Variants in NRG1 observed in about 807,000 individuals in gnomAD.
The protein encoded by NRG1 is pro-neuregulin-1, membrane-bound isoform.
A neutral mutation model predicts 63.8 loss-of-function variants in NRG1; 18 were observed. That is an observed-to-expected ratio of 0.28 (90% CI 0.19 to 0.42). The LOEUF is 0.42. NRG1 is among the 10% of genes least tolerant of loss of function. NRG1 has a pLI of 1.00. For missense variants in NRG1, 762 were observed against 814.7 expected (o/e 0.94, Z 0.79); for synonymous variants, 302 against 301.3 (o/e 1.00, Z -0.02).
At chr8:31,706,089 G>A (rs80143639) in intron 1 of NRG1, among the ~76,000 whole-genome samples, 4,685 of 152,088 alleles carry the variant, frequency 0.031, 255 homozygotes, top group African/African-American at 0.11. Context: ...TAATATATTC[G>A]TATGGTTCAA....
intron 1 of NRG1, among the ~76,000 whole-genome samples, chr8:32,288,742 G>C (rs1216351483): frequency 6.6e-6 from 1 of 152,168 alleles, no homozygotes; most frequent in Non-Finnish European, 1.5e-5. Context: ...CGTGAGGAAG[G>C]GGAGGGGGAG....
At chr8:32,637,903 A>G (rs1186261046) in intron 5 of NRG1, among the ~76,000 whole-genome samples, 3 of 152,156 alleles carry the variant, frequency 2.0e-5, no homozygotes, top group Non-Finnish European at 4.4e-5. Context: ...TGTGACCACA[A>G]GTGGTCGTGG....
At chr8:31,927,377 AT>A (rs916875727) in intron 1 of NRG1, among the ~76,000 whole-genome samples, 14 of 148,920 alleles carry the variant, frequency 9.4e-5, no homozygotes, top group African/African-American at 2.0e-4. Flanking sequence ...AGAAATCTGA[AT>A]TTTTTTTTCC....
intron 1 of NRG1, among the ~76,000 whole-genome samples, chr8:32,378,641 T>G (rs930298593): frequency 6.6e-6 from 1 of 152,190 alleles, no homozygotes; most frequent in African/African-American, 2.4e-5. Context: ...TTATATACTT[T>G]AAGTTTTAGG....
intron 5 of NRG1, among the ~76,000 whole-genome samples, chr8:32,629,840 G>A (rs866552313): frequency 1.3e-5 from 2 of 152,066 alleles, no homozygotes; most frequent in Non-Finnish European, 2.9e-5. Flanking sequence ...TGCTGAAGAG[G>A]CACTTGCTTG....
intron 1 of NRG1, among the ~76,000 whole-genome samples, chr8:32,512,283 C>CT (rs1829309526): frequency 6.6e-6 from 1 of 152,176 alleles, no homozygotes; most frequent in Non-Finnish European, 1.5e-5. Context: ...ATTATGCCTA[C>CT]TTTTCAAAAG....
intron 1 of NRG1, among the ~76,000 whole-genome samples, chr8:31,771,642 C>G (rs1414614507): frequency 6.6e-6 from 1 of 152,014 alleles, no homozygotes; most frequent in African/African-American, 2.4e-5. Context: ...TATAGGAAAA[C>G]AGAAAGGTAA....
rs1247476705 is a variant in NRG1 at position 31,740,964 on chromosome 8, C to G, written c.37+101533C>G. Among the ~76,000 whole-genome samples the G allele has an allele frequency of 2.6e-5, 4 of 151,984 alleles. No homozygotes were observed. The East Asian group carries it at 7.7e-4, about 29-fold the overall frequency. ...TTCACAGTAGCAAAGACATGGAAAT[C>G]AGCCTAGGGCCCACCAACAGTAGAC... On this transcript the variant is annotated intron_variant, in intron 1 of 10. Coordinates refer to the NRG1 transcript ENST00000519301.
In NRG1 at chr8:32,624,232, G is replaced by A. The variant is rs531434876; in HGVS notation, c.502+7347G>A. 2.2e-4 allele frequency among the ~76,000 whole-genome samples: 33 copies of A among 152,270 alleles called. 1 individual carries two copies. The highest frequency in any genetic ancestry group is 7.2e-4 in the African/African-American group (30 of 41,552). ...GGGAAGAATCTGATTGGCCCTGATT[G>A]CATCATGTCTGACCCTAAAATACTG... On this transcript the variant is annotated intron_variant, in intron 5 of 11. Transcript: ENST00000356819.
intron 1 of NRG1, among the ~76,000 whole-genome samples, chr8:32,489,587 A>G (rs754604155): frequency 6.6e-6 from 1 of 152,162 alleles, no homozygotes; most frequent in Non-Finnish European, 1.5e-5. Flanking sequence ...GGAGACTCCC[A>G]GCTTTCTTCC....
intron 1 of NRG1, among the ~76,000 whole-genome samples, chr8:32,051,357 G>A (rs1049672205): frequency 2.6e-5 from 4 of 152,122 alleles, no homozygotes; most frequent in Non-Finnish European, 5.9e-5. Context: ...AGATAAGGAA[G>A]CATATTTATG....
intron 5 of NRG1, chr8:32,648,231 C>G: frequency 6.2e-7 from 1 of 1,614,078 alleles, no homozygotes; most frequent in African/African-American, 1.3e-5. Context: ...ATCAGCGGCA[C>G]CGACACCGAA....
In NRG1 at chr8:32,266,158, T is replaced by C. The variant is rs530866828; in HGVS notation, c.38-329670T>C. Reference sequence around the variant, plus strand: ...CCTTTTGGGTGGAATCTGAACAATGTGTAAATGATAGTTTCCCAACAGTGT... The same window carrying C: ...CCTTTTGGGTGGAATCTGAACAATGCGTAAATGATAGTTTCCCAACAGTGT... On this transcript the variant is annotated intron_variant, in intron 1 of 10. Coordinates refer to the NRG1 transcript ENST00000519301. 3.3e-4 allele frequency among the ~76,000 whole-genome samples: 50 copies of C among 152,296 alleles called. 1 individual carries two copies. Among genetic ancestry groups the C allele is most frequent in the African/African-American group, 1.2e-3 (49 of 41,574 alleles).
chr8:32,290,149 A>G (rs1282195078), intron 1 of NRG1, among the ~76,000 whole-genome samples: 1 of 152,058 alleles, frequency 6.6e-6, no homozygotes, highest in Non-Finnish European at 1.5e-5. Flanking sequence ...GCTAAGGCAG[A>G]AGGATACCTT....
chr8:31,640,099 C>T lies in NRG1; in HGVS notation c.37+668C>T. ...GCCGCTGCTGCCACTACTGCTGCTG[C>T]TGGGGACCGCGGCCCTGGCGCCGGG... On this transcript the variant is annotated intron_variant, in intron 1 of 10. Transcript: ENST00000519301. This position sits in a 1 kb window ranked among gnomAD's most constrained non-coding sequence, Gnocchi z 6.3. The T allele has an allele frequency of 1.7e-6, 2 of 1,143,372 alleles. No individual in the cohort carries two copies. Among genetic ancestry groups the T allele is most frequent in the Non-Finnish European group, 2.1e-6 (2 of 932,494 alleles). The allele number at this position is 1,143,372 out of a possible 1,614,324, so 70.8% of individuals were successfully genotyped here. A position where few individuals can be genotyped will look rare whatever the true frequency, so the allele number is the denominator to read the frequency against.
intron 1 of NRG1, among the ~76,000 whole-genome samples, chr8:32,404,553 G>A (rs1327549944): frequency 6.9e-6 from 1 of 145,422 alleles, no homozygotes; most frequent in Non-Finnish European, 1.5e-5. Context: ...CTTTTGTAGT[G>A]TCTCAGAAAC....
chr8:32,419,007 T>C (rs1037113313), intron 1 of NRG1, among the ~76,000 whole-genome samples: 1 of 152,200 alleles, frequency 6.6e-6, no homozygotes, highest in Non-Finnish European at 1.5e-5. Context: ...TGAAACTGAG[T>C]TGGAAATCAT....
chr8:32,453,224 T>C (rs1302948642), intron 1 of NRG1, among the ~76,000 whole-genome samples: 1 of 152,082 alleles, frequency 6.6e-6, no homozygotes, highest in Non-Finnish European at 1.5e-5. Flanking sequence ...AGGAAAAAAA[T>C]TTTTGGTCAA....
chr8:31,723,433 AC>A (rs1418681840), intron 1 of NRG1, among the ~76,000 whole-genome samples: 1 of 152,078 alleles, frequency 6.6e-6, no homozygotes, highest in African/African-American at 2.4e-5. Context: ...GATTCCTCTC[AC>A]TTTTTAACCT....
Sources: allele counts gnomAD v4.1 joint callset (sites outside exome capture counted in the v4.1 genomes callset), GRCh38; gene constraint gnomAD v4.1.1; non-coding constraint Gnocchi (gnomAD v3.1); transcripts MANE v1.5; gene names NCBI Gene and HGNC (gene_info 2026-07-23, HGNC 2026-07-21).